SIDT1: variants seen among roughly 807,000 people sequenced by gnomAD.
SIDT1 encodes the protein SID1 transmembrane family member 1.
A neutral mutation model predicts 107.5 loss-of-function variants in SIDT1; 101 were observed. That is an observed-to-expected ratio of 0.94 (90% CI 0.80 to 1.11). The LOEUF is 1.11. SIDT1 is among the 50% of genes least tolerant of loss of function. The probability of loss-of-function intolerance (pLI) is 0.00; values close to 1 mark genes in which losing one functional copy is unlikely to be tolerated. For missense variants in SIDT1, 1,076 were observed against 1,058.2 expected (o/e 1.02, Z -0.23); for synonymous variants, 395 against 398.2 (o/e 0.99, Z 0.10).
At position 113,571,996 on chromosome 3, in the gene SIDT1, T is replaced by C. The variant is rs1424580603; in HGVS notation, c.515+4286T>C. 2.0e-5 allele frequency among the ~76,000 whole-genome samples: 3 copies of C among 152,136 alleles called. No homozygotes were observed. The South Asian group carries it at 6.2e-4, about 32-fold the overall frequency. Reference sequence around the variant, plus strand: ...TGTGATAGTTGTGTGGAGAATGGATTTGAAGAGGACAAAACAGGATGCAGA... The same window carrying C: ...TGTGATAGTTGTGTGGAGAATGGATCTGAAGAGGACAAAACAGGATGCAGA... On this transcript the variant is annotated intron_variant, in intron 3 of 24. Transcript: ENST00000264852.
At chr3:113,589,354 C>G (rs1331964508) in intron 9 of SIDT1, among the ~76,000 whole-genome samples, 2 of 152,128 alleles carry the variant, frequency 1.3e-5, no homozygotes, top group African/African-American at 4.8e-5. Context: ...GTTCCAGAAT[C>G]TAGTGCAAAC....
chr3:113,550,178 A>G (rs1253215432), intron 1 of SIDT1, among the ~76,000 whole-genome samples: 3 of 151,896 alleles, frequency 2.0e-5, no homozygotes. Flanking sequence ...CCCTTTCCCT[A>G]TGTATCTGTG....
intron 21 of SIDT1, among the ~76,000 whole-genome samples, chr3:113,622,031 A>C (rs79596456): frequency 0.14 from 21,149 of 152,204 alleles, 1,795 homozygotes; most frequent in East Asian, 0.4. Flanking sequence ...CATATTATAA[A>C]ATAATAATAA....
intron 18 of SIDT1, among the ~76,000 whole-genome samples, chr3:113,611,367 C>G (rs892512587): frequency 5.3e-5 from 8 of 152,198 alleles, no homozygotes; most frequent in African/African-American, 1.9e-4. Flanking sequence ...TTGTGAGACT[C>G]TGTCACCAGG....
At chr3:113,536,296 C>T (rs4580515) in intron 1 of SIDT1, among the ~76,000 whole-genome samples, 20,211 of 152,128 alleles carry the variant, frequency 0.13, 1,856 homozygotes, top group African/African-American at 0.26. Context: ...AGATGTATGA[C>T]CCCAGACCTA....
intron 1 of SIDT1, among the ~76,000 whole-genome samples, chr3:113,539,873 C>G (rs1194733706): frequency 6.6e-6 from 1 of 151,952 alleles, no homozygotes; most frequent in African/African-American, 2.4e-5. Context: ...ATGTGGTGGC[C>G]CATGCCTGTA....
Position 113,604,027 on chromosome 3 carries a change from AT to A in SIDT1, c.1336del (p.Trp446GlyfsTer14). The A allele has an allele frequency of 6.3e-7, 1 of 1,585,814 alleles. No individual in the cohort carries two copies. The highest frequency in any genetic ancestry group is 1.1e-5 in the South Asian group (1 of 88,070). The stretch of plus-strand genomic sequence containing the variant: ...ATTGTCAGCAAAAAATATAAAATTT[AT>A]TTTTGGTAAGTAGATGACCAGTAGG... ...RRIVSKKYKI[Y>X]FWNIITIAVF... is the part of the protein sequence containing the mutation. On this transcript the variant is annotated frameshift_variant, in exon 13 of 25. Coordinates refer to ENST00000264852, the MANE Select transcript of SIDT1 (RefSeq NM_017699.3). LOFTEE classifies it high-confidence loss of function.
intron 1 of SIDT1, among the ~76,000 whole-genome samples, chr3:113,552,376 CA>C (rs1413598770): frequency 6.6e-6 from 1 of 152,050 alleles, no homozygotes; most frequent in Non-Finnish European, 1.5e-5. Flanking sequence ...GGTTTGTAGA[CA>C]GGGAGACTCT....
At chr3:113,573,455 G>C (rs9829540) in intron 3 of SIDT1, among the ~76,000 whole-genome samples, 10,292 of 152,250 alleles carry the variant, frequency 0.068, 590 homozygotes, top group African/African-American at 0.15. Context: ...GATGATCTGA[G>C]AAACTGAAGC....
Position 113,604,912 on chromosome 3 carries a change from A to G in SIDT1, c.1340A>G (p.Asn447Ser). The stretch of plus-strand genomic sequence containing the variant: ...TCTGGTTCTTTCTGCCTGCATAGGA[A>G]CATCATCACCATTGCTGTGTTTTAC... Reference protein sequence around the residue: ...VSKKYKIYFWNIITIAVFYAL... With the variant: ...VSKKYKIYFWSIITIAVFYAL... The change falls in exon 14 of 25, where the codon AAC (asparagine) becomes AGC (serine). Residue 447 changes from asparagine to serine, a missense_variant and splice_region_variant. Physicochemically the swap from Asn to Ser is conservative, Grantham distance 46. Transcript: ENST00000264852. The G allele has an allele frequency of 6.2e-7, 1 of 1,614,088 alleles. No individual in the cohort carries two copies. Among genetic ancestry groups the G allele is most frequent in the East Asian group, 2.2e-5 (1 of 44,886 alleles).
intron 1 of SIDT1, among the ~76,000 whole-genome samples, chr3:113,542,705 G>T (rs1301366847): frequency 1.6e-4 from 24 of 152,086 alleles, no homozygotes; most frequent in Admixed American, 1.6e-3. Flanking sequence ...GCATTCTTCT[G>T]TTGTGTTTGT....
chr3:113,555,258 C>T (rs567300034), intron 1 of SIDT1, among the ~76,000 whole-genome samples: 1 of 152,154 alleles, frequency 6.6e-6, no homozygotes, highest in African/African-American at 2.4e-5. Flanking sequence ...GGACAATATT[C>T]CCCCCAAAAT....
chr3:113,622,521 A>G (rs1362811867), intron 21 of SIDT1, among the ~76,000 whole-genome samples: 1 of 151,388 alleles, frequency 6.6e-6, no homozygotes, highest in Non-Finnish European at 1.5e-5. Context: ...AGAAAGAATT[A>G]TGTAATAAAG....
rs766889197 is a variant in SIDT1 at position 113,608,421 on chromosome 3, G to A, written c.1605G>A (p.Glu535=). The A allele has an allele frequency of 1.4e-5, 23 of 1,610,024 alleles. No homozygotes were observed. The highest frequency in any genetic ancestry group is 1.9e-5 in the Non-Finnish European group (22 of 1,176,390). ...GACCACCCTTTCTCCTTTTTCAGGA[G>A]TACGGGATTCCCAAACACTTTGGTC... ...ALEAKDIFAV[E]YGIPKHFGLF... The change falls in exon 17 of 25, where the codon GAG becomes GAA. Residue 535 remains glutamate (E), a splice_region_variant and synonymous_variant. Transcript: ENST00000264852.
chr3:113,632,961 T>C (rs1947103281), downstream of SIDT1: 1 of 152,090 alleles, frequency 6.6e-6, no homozygotes, highest in African/African-American at 2.4e-5. Flanking sequence ...CTGTTAATGA[T>C]AATCAGGCAA....
chr3:113,584,470 A>T (rs1943590817), intron 7 of SIDT1, among the ~76,000 whole-genome samples: 1 of 152,216 alleles, frequency 6.6e-6, no homozygotes, highest in Non-Finnish European at 1.5e-5. Flanking sequence ...CAAAATGCAC[A>T]CAAGCAAAGG....
chr3:113,594,289 A>G (rs2669910), intron 10 of SIDT1, among the ~76,000 whole-genome samples: 90,671 of 152,066 alleles, frequency 0.6, 28,485 homozygotes, highest in African/African-American at 0.8. Context: ...ATAAAAGACT[A>G]TAAAAGAACA....
Position 113,607,091 on chromosome 3 carries a change from T to C in SIDT1, c.1455T>C (p.Cys485=). 1 of 1,613,022 alleles carries C rather than the reference T, an allele frequency of 6.2e-7. No individual in the cohort carries two copies. Among genetic ancestry groups the C allele is most frequent in the Non-Finnish European group, 8.5e-7 (1 of 1,179,034 alleles). The change falls in exon 15 of 25, where the codon TGT becomes TGC. Residue 485 remains cysteine, a synonymous_variant. Transcript: ENST00000264852. ...NQDICYYNFL[C]AHPLGVLSAF... ...ACATCTGTTACTACAACTTCCTCTG[T>C]GCTCACCCCTTGGGCGTCCTGAGGT... is the stretch of plus-strand genomic sequence containing the variant.
intron 3 of SIDT1, among the ~76,000 whole-genome samples, chr3:113,570,135 G>A (rs993426366): frequency 2.0e-5 from 3 of 152,092 alleles, no homozygotes; most frequent in Non-Finnish European, 2.9e-5. Context: ...GAACCCCTGG[G>A]CTCAAGCGAT....
Sources: gnomAD v4.1 joint callset for allele counts (sites outside exome capture counted in the v4.1 genomes callset) on GRCh38, gnomAD v4.1.1 for gene constraint, MANE v1.5 for transcripts, NCBI Gene and HGNC (gene_info 2026-07-23, HGNC 2026-07-21) for gene names.